The following NECAB1 variants were observed in gnomAD, a reference collection of about 807,000 sequenced individuals.
The protein encoded by NECAB1 is N-terminal EF-hand calcium-binding protein 1.
A neutral mutation model predicts 57.5 loss-of-function variants in NECAB1; 29 were observed. That is an observed-to-expected ratio of 0.50 (90% CI 0.38 to 0.69). The LOEUF is 0.69. Ranked by LOEUF, NECAB1 falls within the 30% of genes least tolerant of loss-of-function variation. NECAB1 has a pLI of 0.00. For synonymous variants in NECAB1, 142 were observed against 147.7 expected (o/e 0.96, Z 0.28); for missense variants, 372 against 413.8 (o/e 0.90, Z 0.88).
At chr8:90,842,724 T>C (rs1366255226) in intron 3 of NECAB1, among the ~76,000 whole-genome samples, 1 of 152,260 alleles carries the variant, frequency 6.6e-6, no homozygotes, top group East Asian at 1.9e-4. Flanking sequence ...GTCATTTAGA[T>C]GGCCAGAGAT....
chr8:90,799,385 C>A (rs2130641769), intron 1 of NECAB1, among the ~76,000 whole-genome samples: 2 of 151,860 alleles, frequency 1.3e-5, no homozygotes, highest in South Asian at 4.2e-4. Context: ...CCAATTTTTT[C>A]TCAATGTCAA....
intron 2 of NECAB1, among the ~76,000 whole-genome samples, chr8:90,802,466 T>G (rs1811775113): frequency 6.6e-6 from 1 of 152,220 alleles, no homozygotes; most frequent in African/African-American, 2.4e-5. Context: ...TGTTTTGTTT[T>G]TCTTTTTGCT....
chr8:90,910,346 A>G (rs1809800185), intron 5 of NECAB1, among the ~76,000 whole-genome samples: 1 of 152,008 alleles, frequency 6.6e-6, no homozygotes. Flanking sequence ...TTCTTATTAT[A>G]ACCTTGCATA....
intron 5 of NECAB1, among the ~76,000 whole-genome samples, chr8:90,893,277 G>A (rs954729042): frequency 6.6e-6 from 1 of 152,068 alleles, no homozygotes; most frequent in African/African-American, 2.4e-5. Flanking sequence ...TTTTCAAACC[G>A]CCTCTTGCAC....
chr8:90,875,538 C>T (rs1442409240), intron 4 of NECAB1, among the ~76,000 whole-genome samples: 2 of 130,484 alleles, frequency 1.5e-5, no homozygotes, highest in African/African-American at 5.8e-5. Flanking sequence ...GAAATATTTA[C>T]AGATGAGCGA....
At chr8:90,897,576 T>C (rs555275078) in intron 5 of NECAB1, among the ~76,000 whole-genome samples, 10 of 152,342 alleles carry the variant, frequency 6.6e-5, no homozygotes, top group African/African-American at 2.4e-4. Context: ...TTTCAGACTA[T>C]CAGATTGCAT....
chr8:90,837,885 T>G (rs1408476987), intron 3 of NECAB1, among the ~76,000 whole-genome samples: 1 of 152,208 alleles, frequency 6.6e-6, no homozygotes, highest in African/African-American at 2.4e-5. Context: ...TACTATTTAA[T>G]CTAATTGTTT....
At chr8:90,802,285 A>G (rs942714357) in intron 2 of NECAB1, among the ~76,000 whole-genome samples, 8 of 152,238 alleles carry the variant, frequency 5.3e-5, no homozygotes, top group Admixed American at 3.9e-4. Context: ...ATGATAATCT[A>G]TAGCAACAGA....
At chr8:90,938,571 T>C (rs892299197) in intron 9 of NECAB1, among the ~76,000 whole-genome samples, 5 of 152,208 alleles carry the variant, frequency 3.3e-5, no homozygotes, top group Admixed American at 1.3e-4. Context: ...CTACTTTAAA[T>C]TAACTATTAT....
chr8:90,803,125 G>A (rs1256893254), intron 2 of NECAB1, among the ~76,000 whole-genome samples: 1 of 152,122 alleles, frequency 6.6e-6, no homozygotes, highest in Non-Finnish European at 1.5e-5. Context: ...TCAAACTCCT[G>A]ACCTCAAGTG....
intron 5 of NECAB1, among the ~76,000 whole-genome samples, chr8:90,885,493 A>G (rs985367542): frequency 7.2e-5 from 11 of 152,236 alleles, no homozygotes; most frequent in Admixed American, 2.6e-4. Context: ...GTCAATGCCA[A>G]CTAGCATTCA....
chr8:90,793,257 C>G (rs1218054823), intron 1 of NECAB1, among the ~76,000 whole-genome samples: 1 of 152,114 alleles, frequency 6.6e-6, no homozygotes, highest in Non-Finnish European at 1.5e-5. Context: ...GAAAGAAACT[C>G]CTATCAATAA....
chr8:90,851,634 G>A (rs573524826), intron 3 of NECAB1, among the ~76,000 whole-genome samples: 7 of 152,224 alleles, frequency 4.6e-5, no homozygotes, highest in African/African-American at 1.4e-4. Context: ...TTTAGAGCAG[G>A]TTTAGGTTCA....
chr8:90,832,208 A>AG (rs1812307880), intron 3 of NECAB1, among the ~76,000 whole-genome samples: 1 of 152,168 alleles, frequency 6.6e-6, no homozygotes, highest in African/African-American at 2.4e-5. Context: ...ATATGGAGAG[A>AG]GAAAAAACCC....
intron 5 of NECAB1, among the ~76,000 whole-genome samples, chr8:90,887,087 G>C (rs911506985): frequency 1.3e-5 from 2 of 152,058 alleles, no homozygotes; most frequent in African/African-American, 2.4e-5. Flanking sequence ...CTACCATCTT[G>C]AGTAGCTGTT....
rs1472665492 is a variant in NECAB1, at chr8:90,794,343, G to A, written c.99+2358G>A. Among the ~76,000 whole-genome samples the A allele has an allele frequency of 2.0e-5, 3 of 152,262 alleles. No individual in the cohort carries two copies. The South Asian group carries it at 6.2e-4, about 32-fold the overall frequency. On this transcript the variant is annotated intron_variant, in intron 1 of 12. Transcript: ENST00000417640. ...TTAATATATTCTATGGCACTAGCAAGAAAGATTACTTTTAAAATTATCTTC... is the reference window on the plus strand; with the variant it reads ...TTAATATATTCTATGGCACTAGCAAAAAAGATTACTTTTAAAATTATCTTC...
intron 6 of NECAB1, 98 bp downstream of exon 6, chr8:90,917,726 A>G (rs1183529203): frequency 2.6e-6 from 3 of 1,174,092 alleles, no homozygotes; most frequent in Admixed American, 5.8e-5. Flanking sequence ...AAACTAAAAA[A>G]GAGAATTGAT....
chr8:90,955,786 A>T lies in NECAB1; in HGVS notation c.*274A>T, dbSNP rs1161463387. ...AACCTTTTAGTGACAAAATCCTAAT[A>T]TGTGGAAAAAAGCATATGCATAAAG... On this transcript the variant is annotated 3_prime_UTR_variant, in exon 13 of 13. Coordinates refer to ENST00000417640, the MANE Select transcript of NECAB1 (RefSeq NM_022351.5). 2.8e-6 allele frequency: 1 copy of T among 357,662 alleles called. No individual in the cohort carries two copies. The highest frequency in any genetic ancestry group is 4.8e-5 in the East Asian group (1 of 20,710). The allele number at this position is 357,662 out of a possible 1,614,324, so 22.2% of individuals were successfully genotyped here. A position where few individuals can be genotyped will look rare whatever the true frequency, so the allele number is the denominator to read the frequency against.
chr8:90,857,933 T>C (rs908956253), intron 3 of NECAB1, among the ~76,000 whole-genome samples: 2 of 152,150 alleles, frequency 1.3e-5, no homozygotes, highest in African/African-American at 4.8e-5. Context: ...AATTTAACAA[T>C]TACATTTTTA....
Sources: allele counts gnomAD v4.1 joint callset (sites outside exome capture counted in the v4.1 genomes callset), GRCh38; gene constraint gnomAD v4.1.1; transcripts MANE v1.5; gene names NCBI Gene and HGNC (gene_info 2026-07-23, HGNC 2026-07-21).